MGA: variants seen among roughly 807,000 people sequenced by gnomAD.
MGA encodes the protein MAX dimerization protein MGA.
A neutral mutation model predicts 261.1 loss-of-function variants in MGA; 40 were observed. The ratio of observed to expected loss-of-function variants is 0.15; its 90% confidence interval spans 0.12 to 0.20. The LOEUF is 0.20. Ranked by LOEUF, MGA falls within the 10% of genes least tolerant of loss-of-function variation. The pLI is 1.00. For missense variants in MGA, 3,397 were observed against 3,630.5 expected, an observed-to-expected ratio of 0.94 and a Z score of 1.65; for synonymous variants, 1,302 against 1,290.6, an observed-to-expected ratio of 1.01 and a Z score of -0.19.
At chr15:41,660,066 C>T (rs2057300827), upstream of MGA, among the ~76,000 whole-genome samples, 1 of 152,198 alleles carries the variant, frequency 6.6e-6, no homozygotes, top group Non-Finnish European at 1.5e-5. Context: ...GCGAGGAGCC[C>T]TAGGGAAAGG....
intron 2 of MGA, among the ~76,000 whole-genome samples, chr15:41,691,188 A>G (rs529673543): frequency 3.9e-5 from 6 of 152,016 alleles, no homozygotes; most frequent in African/African-American, 1.2e-4. Flanking sequence ...ATATTTTTCT[A>G]TTTATTTTGG....
chr15:41,673,349 C>G (rs1452077322), intron 2 of MGA, among the ~76,000 whole-genome samples: 1 of 151,816 alleles, frequency 6.6e-6, no homozygotes, highest in Non-Finnish European at 1.5e-5. Flanking sequence ...TCTGGATTAG[C>G]TGGAATTACA....
chr15:41,763,092 C>CTTT (rs71108131), intron 22 of MGA, among the ~76,000 whole-genome samples: 3,145 of 63,968 alleles, frequency 0.049, 184 homozygotes, highest in South Asian at 0.083. Context: ...TTCTTTCTTC[C>CTTT]TTTTTTTTTT....
At chr15:41,698,823 G>A in intron 3 of MGA, 40 bp from the exon 4 acceptor site, 4 of 1,416,458 alleles carry the variant, frequency 2.8e-6, no homozygotes, top group Non-Finnish European at 3.8e-6. Flanking sequence ...GTTTTCAGAA[G>A]CAATATGAAC....
intron 13 of MGA, among the ~76,000 whole-genome samples, chr15:41,738,299 G>T (rs1374113398): frequency 6.6e-6 from 1 of 152,090 alleles, no homozygotes; most frequent in Admixed American, 6.5e-5. Context: ...GGAGGCTGAG[G>T]CAGGAGAATC....
chr15:41,671,377 G>A (rs546491629), intron 2 of MGA, among the ~76,000 whole-genome samples: 2 of 152,006 alleles, frequency 1.3e-5, no homozygotes, highest in East Asian at 3.9e-4. Context: ...GGGCTGGAGT[G>A]CAGTGGTGTC....
At chr15:41,656,066 G>T (rs188752864), upstream of MGA, among the ~76,000 whole-genome samples, 2 of 152,104 alleles carry the variant, frequency 1.3e-5, no homozygotes, top group East Asian at 3.9e-4. Flanking sequence ...ATATTAATAC[G>T]TGGTTTTAAA....
At chr15:41,673,289 C>T (rs1281366222) in intron 2 of MGA, among the ~76,000 whole-genome samples, 1 of 151,790 alleles carries the variant, frequency 6.6e-6, no homozygotes, top group Admixed American at 6.6e-5. Flanking sequence ...GTGATCTTGG[C>T]TTGCTGCAAC....
At chr15:41,648,481 A>G (rs916522398) in intron 1 of MGA, among the ~76,000 whole-genome samples, 5 of 152,212 alleles carry the variant, frequency 3.3e-5, no homozygotes, top group Non-Finnish European at 7.3e-5. Context: ...GGTAAGTACT[A>G]TGAGGGAATA....
intron 1 of MGA, among the ~76,000 whole-genome samples, chr15:41,627,557 T>G (rs1595535428): frequency 6.6e-6 from 1 of 152,214 alleles, no homozygotes; most frequent in Non-Finnish European, 1.5e-5. Flanking sequence ...GTTTTGTTTT[T>G]AAATGTTTGC....
At chr15:41,713,054 A>C in intron 8 of MGA, 97 bp from the exon 9 acceptor site, 4 of 1,501,700 alleles carry the variant, frequency 2.7e-6, no homozygotes, top group Non-Finnish European at 3.6e-6. Flanking sequence ...GTTAGTACTT[A>C]AAATCAGAGA....
intron 9 of MGA, among the ~76,000 whole-genome samples, chr15:41,716,337 C>T (rs2060635370): frequency 6.6e-6 from 1 of 151,770 alleles, no homozygotes; most frequent in Non-Finnish European, 1.5e-5. Flanking sequence ...ACCTGTAGTC[C>T]CAGCTACTCC....
chr15:41,677,314 G>T (rs939425424), intron 2 of MGA, among the ~76,000 whole-genome samples: 3 of 152,088 alleles, frequency 2.0e-5, no homozygotes, highest in African/African-American at 4.8e-5. Context: ...GCTAATTTTT[G>T]TATTTTTATT....
intron 2 of MGA, among the ~76,000 whole-genome samples, chr15:41,674,590 G>T (rs1462906219): frequency 6.6e-6 from 1 of 151,984 alleles, no homozygotes; most frequent in Non-Finnish European, 1.5e-5. Context: ...CGTGATCTGG[G>T]CTCACTGCAA....
chr15:41,709,382 C>T (rs935023376), intron 7 of MGA, among the ~76,000 whole-genome samples: 4 of 151,986 alleles, frequency 2.6e-5, no homozygotes, highest in East Asian at 1.9e-4. Context: ...AAATTTTACA[C>T]GCCTCTTCTT....
At chr15:41,763,518 C>T (rs2063615906) in intron 22 of MGA, among the ~76,000 whole-genome samples, 1 of 151,376 alleles carries the variant, frequency 6.6e-6, no homozygotes, top group Non-Finnish European at 1.5e-5. Flanking sequence ...CTGAGGCGGG[C>T]AGATCACCTG....
intron 5 of MGA, among the ~76,000 whole-genome samples, chr15:41,701,470 C>T (rs2059850265): frequency 6.6e-6 from 1 of 152,100 alleles, no homozygotes; most frequent in Admixed American, 6.6e-5. Context: ...AATTTGTAAT[C>T]GTTTCCTTAA....
At chr15:41,712,710 T>G (rs1372697294) in intron 8 of MGA, among the ~76,000 whole-genome samples, 4 of 152,198 alleles carry the variant, frequency 2.6e-5, no homozygotes, top group Non-Finnish European at 4.4e-5. Flanking sequence ...ACTTTTTCTG[T>G]AAAGGGCCAA....
chr15:41,637,038 G>A (rs1332357990), intron 1 of MGA, among the ~76,000 whole-genome samples: 3 of 152,140 alleles, frequency 2.0e-5, no homozygotes, highest in Non-Finnish European at 4.4e-5. Context: ...TGCTCTGGGG[G>A]CGGGGGTGGT....
Sources: gnomAD v4.1 joint callset for allele counts (sites outside exome capture counted in the v4.1 genomes callset) on GRCh38, gnomAD v4.1.1 for gene constraint, MANE v1.5 for transcripts, NCBI Gene and HGNC (gene_info 2026-07-23, HGNC 2026-07-21) for gene names.